Variants in PNPLA8 observed in about 807,000 individuals in gnomAD.
The protein encoded by PNPLA8 is calcium-independent phospholipase A2-gamma.
PNPLA8 carries 39 observed loss-of-function variants against 76.9 expected under a neutral mutation model. The ratio of observed to expected loss-of-function variants is 0.51; its 90% CI spans 0.39 to 0.66. The LOEUF is 0.66. PNPLA8 is among the 30% of genes least tolerant of loss of function. The probability of loss-of-function intolerance (pLI) is 0.00; values close to 1 mark genes in which losing one functional copy is unlikely to be tolerated. For missense variants in PNPLA8, 887 were observed against 918.0 expected (o/e 0.97, Z 0.44); for synonymous variants, 301 against 307.9 (o/e 0.98, Z 0.24).
At chr7:108,523,153 A>C (rs1863860669) in intron 1 of PNPLA8, among the ~76,000 whole-genome samples, 1 of 152,184 alleles carries the variant, frequency 6.6e-6, no homozygotes, top group African/African-American at 2.4e-5. Flanking sequence ...GGGACCAAAC[A>C]CTTAGAGAAG....
chr7:108,525,624 C>G (rs1053687456), intron 1 of PNPLA8, among the ~76,000 whole-genome samples: 2 of 152,220 alleles, frequency 1.3e-5, no homozygotes, highest in Non-Finnish European at 2.9e-5. Flanking sequence ...CAGGTGCACA[C>G]TGACAGTCGA....
chr7:108,491,284 G>C, intron 8 of PNPLA8, 126 bp downstream of exon 8: 1 of 632,022 alleles, frequency 1.6e-6, no homozygotes, highest in South Asian at 2.0e-5. Flanking sequence ...TCCAGCCTGG[G>C]CAATAAGAGT....
At chr7:108,510,035 G>T (rs899532198) in intron 4 of PNPLA8, among the ~76,000 whole-genome samples, 8 of 118,758 alleles carry the variant, frequency 6.7e-5, no homozygotes, top group African/African-American at 1.6e-4. Context: ...GGTGGGGTGG[G>T]GGGAGGGGGG....
intron 2 of PNPLA8, among the ~76,000 whole-genome samples, chr7:108,517,088 T>G (rs184850617): frequency 2.0e-5 from 3 of 152,170 alleles, no homozygotes; most frequent in African/African-American, 4.8e-5. Flanking sequence ...CAATTACAAA[T>G]GTGCCAAAGG....
chr7:108,489,966 T>C (rs1861024202), intron 8 of PNPLA8, among the ~76,000 whole-genome samples: 1 of 152,214 alleles, frequency 6.6e-6, no homozygotes, highest in Non-Finnish European at 1.5e-5. Flanking sequence ...TATAATAATA[T>C]AATCTAATAT....
At chr7:108,510,709 C>T in intron 4 of PNPLA8, 1 of 1,600,206 alleles carries the variant, frequency 6.2e-7, no homozygotes, top group Non-Finnish European at 8.5e-7. Context: ...GTGGTTATGG[C>T]AAAATCAATA....
Position 108,496,740 on chromosome 7 carries a change from A to C in PNPLA8, c.1469T>G (p.Phe490Cys). The change falls in exon 7 of 11, where the codon TTC (phenylalanine) becomes TGC (cysteine). Residue 490 changes from phenylalanine to cysteine, a missense_variant. Coordinates refer to ENST00000257694, the MANE Select transcript of PNPLA8 (RefSeq NM_001256007.3). ...CGVSTGAILA[F>C]MLGLFHMPLD... Reference sequence around the variant, plus strand: ...GGGCATATGAAACAACCCCAACATGAAAGCTAATATGGCACCTGGAAAAAA... The same window carrying C: ...GGGCATATGAAACAACCCCAACATGCAAGCTAATATGGCACCTGGAAAAAA... 6.2e-7 allele frequency: 1 copy of C among 1,610,420 alleles called. No homozygotes were observed. The highest frequency in any genetic ancestry group is 8.5e-7 in the Non-Finnish European group (1 of 1,178,378).
intron 9 of PNPLA8, among the ~76,000 whole-genome samples, chr7:108,485,024 T>G (rs1860649869): frequency 6.6e-6 from 1 of 152,164 alleles, no homozygotes; most frequent in African/African-American, 2.4e-5. Flanking sequence ...ATTTCATAAT[T>G]TATTTATGTT....
intron 2 of PNPLA8, among the ~76,000 whole-genome samples, chr7:108,520,256 A>G (rs992125790): frequency 6.6e-6 from 1 of 152,232 alleles, no homozygotes; most frequent in Non-Finnish European, 1.5e-5. Flanking sequence ...CTTACAGTCA[A>G]TAAGATAAGC....
At chr7:108,479,075 CACAATACAG>C (rs1860199419) in intron 10 of PNPLA8, 100 bp downstream of exon 10, 2 of 693,026 alleles carry the variant, frequency 2.9e-6, no homozygotes, top group Non-Finnish European at 5.0e-6. Flanking sequence ...TTCCTAAATC[CACAATACAG>C]ACATATCATA....
At chr7:108,487,729 T>TA (rs757079808) in intron 9 of PNPLA8, 30 bp downstream of exon 9, 11 of 1,433,260 alleles carry the variant, frequency 7.7e-6, no homozygotes, top group Non-Finnish European at 1.1e-5. Context: ...ATGTAAAATT[T>TA]AAAAAAATAA....
chr7:108,497,093 T>A (rs1370249567), intron 6 of PNPLA8, among the ~76,000 whole-genome samples: 1 of 152,164 alleles, frequency 6.6e-6, no homozygotes, highest in East Asian at 1.9e-4. Context: ...ATATATAAGA[T>A]ACTATGGTAG....
intron 1 of PNPLA8, among the ~76,000 whole-genome samples, chr7:108,523,313 G>A (rs1203713357): frequency 6.6e-6 from 1 of 152,188 alleles, no homozygotes; most frequent in Non-Finnish European, 1.5e-5. Flanking sequence ...GTACTGAGGA[G>A]AGCAAAGATC....
intron 9 of PNPLA8, among the ~76,000 whole-genome samples, chr7:108,486,466 C>T (rs1209814416): frequency 6.6e-6 from 1 of 152,062 alleles, no homozygotes; most frequent in African/African-American, 2.4e-5. Flanking sequence ...CCAGTACTTT[C>T]TGCCCAGAGT....
chr7:108,505,327 TA>T (rs1563967582), intron 4 of PNPLA8, among the ~76,000 whole-genome samples: 81 of 9,330 alleles, frequency 8.7e-3, no homozygotes, highest in Non-Finnish European at 0.011. Context: ...TATATATATA[TA>T]TATATATATA....
At chr7:108,481,595 A>G (rs1013172124) in intron 9 of PNPLA8, among the ~76,000 whole-genome samples, 1 of 152,156 alleles carries the variant, frequency 6.6e-6, no homozygotes, top group Non-Finnish European at 1.5e-5. Flanking sequence ...TTTGTTGGAC[A>G]TGTGAATTTG....
At chr7:108,508,707 C>T (rs1158253879) in intron 4 of PNPLA8, among the ~76,000 whole-genome samples, 6 of 151,334 alleles carry the variant, frequency 4.0e-5, no homozygotes, top group African/African-American at 1.5e-4. Flanking sequence ...AAAAAGAGCC[C>T]ACATTGCCAA....
At chr7:108,497,673 T>G in intron 5 of PNPLA8, 96 bp from the exon 6 acceptor site, 2 of 552,324 alleles carry the variant, frequency 3.6e-6, no homozygotes, top group South Asian at 8.9e-5. Flanking sequence ...CTTTTAGAGT[T>G]TATATGCTAA....
intron 5 of PNPLA8, among the ~76,000 whole-genome samples, chr7:108,497,971 T>C (rs1304919039): frequency 7.4e-6 from 1 of 134,996 alleles, no homozygotes; most frequent in African/African-American, 2.8e-5. Flanking sequence ...CAAGACCAGC[T>C]GAACAATATA....
Sources: allele counts gnomAD v4.1 joint callset (sites outside exome capture counted in the v4.1 genomes callset), GRCh38; gene constraint gnomAD v4.1.1; transcripts MANE v1.5; gene names NCBI Gene and HGNC (gene_info 2026-07-23, HGNC 2026-07-21).